Variants in ADCY5 observed in about 807,000 individuals in gnomAD.
ADCY5 encodes adenylate cyclase type 5.
A neutral mutation model predicts 119.7 loss-of-function variants in ADCY5; 30 were observed. The ratio of observed to expected loss-of-function variants is 0.25; its 90% confidence interval spans 0.19 to 0.34. ADCY5 has a LOEUF of 0.34. ADCY5 is among the 10% of genes least tolerant of loss of function. The pLI, the probability that ADCY5 is intolerant of heterozygous loss-of-function variation, is 1.00. For missense variants in ADCY5, 1,324 were observed against 1,775.2 expected (o/e 0.75, Z 4.57); for synonymous variants, 753 against 762.2 (o/e 0.99, Z 0.20).
intron 12 of ADCY5, among the ~76,000 whole-genome samples, chr3:123,308,717 T>C (rs1940361560): frequency 6.6e-6 from 1 of 152,136 alleles, no homozygotes. Context: ...TAGTCCCAGC[T>C]ACTTGGGAGG....
At chr3:123,366,973 A>G (rs1943464019) in intron 1 of ADCY5, among the ~76,000 whole-genome samples, 1 of 152,224 alleles carries the variant, frequency 6.6e-6, no homozygotes, top group Non-Finnish European at 1.5e-5. Context: ...TGCTACTTAG[A>G]AAGACTTTCA....
At chr3:123,381,760 C>G (rs1361245179) in intron 1 of ADCY5, among the ~76,000 whole-genome samples, 1 of 152,226 alleles carries the variant, frequency 6.6e-6, no homozygotes, top group African/African-American at 2.4e-5. Context: ...AGCACTAGAT[C>G]CAGGCTGCAC....
intron 14 of ADCY5, among the ~76,000 whole-genome samples, chr3:123,302,632 C>T (rs181662197): frequency 6.6e-6 from 1 of 152,314 alleles, no homozygotes; most frequent in Admixed American, 6.5e-5. Flanking sequence ...TGGAGCTGGA[C>T]AACTTGAATG....
intron 14 of ADCY5, 57 bp downstream of exon 14, chr3:123,302,998 G>C: frequency 6.3e-7 from 1 of 1,586,502 alleles, no homozygotes; most frequent in Non-Finnish European, 8.6e-7. Context: ...TGCAGTGACA[G>C]TGGGGGAGGG....
At chr3:123,377,452 G>T (rs1943875480) in intron 1 of ADCY5, among the ~76,000 whole-genome samples, 1 of 152,126 alleles carries the variant, frequency 6.6e-6, no homozygotes, top group African/African-American at 2.4e-5. Context: ...CCTCTGAAAA[G>T]CTTCTCTGAC....
Position 123,329,340 on chromosome 3 carries a change from G to A in ADCY5, c.1647-538C>T, listed in dbSNP as rs1941650311. Among the ~76,000 whole-genome samples, 4 of 152,158 alleles carry A rather than the reference G, an allele frequency of 2.6e-5. No homozygotes were observed. The South Asian group carries it at 8.3e-4, about 32-fold the overall frequency. ...ATGGCCTGCTCAGGAGGGAAGGGGA[G>A]CCTGGGCAGGTGCAGGGGCTTAGGG... On this transcript the variant is annotated intron_variant, in intron 5 of 20. Coordinates refer to ENST00000462833, the MANE Select transcript of ADCY5 (RefSeq NM_183357.3).
intron 3 of ADCY5, among the ~76,000 whole-genome samples, chr3:123,336,388 A>T (rs952661867): frequency 1.3e-5 from 2 of 152,260 alleles, no homozygotes; most frequent in African/African-American, 4.8e-5. Context: ...ACATGAGTCA[A>T]GGAGCATGTT....
chr3:123,375,283 G>T (rs188005915), intron 1 of ADCY5, among the ~76,000 whole-genome samples: 1 of 152,240 alleles, frequency 6.6e-6, no homozygotes, highest in Non-Finnish European at 1.5e-5. Context: ...GATATAAACA[G>T]CTCTGCCTCA....
rs1374503576 is a variant in ADCY5 at position 123,319,787 on chromosome 3, C to T, written c.2143G>A (p.Glu715Lys). The T allele has an allele frequency of 6.2e-7, 1 of 1,614,230 alleles. No homozygotes were observed. Among genetic ancestry groups the T allele is most frequent in the Admixed American group, 1.7e-5 (1 of 60,030 alleles). ...GCACGGCCCAGAAACTCATCCACTT[C>T]ATCCTCAGGGTTCGCACTCTCCTGG... is the stretch of plus-strand genomic sequence containing the variant. ...NAQESANPED[E>K]VDEFLGRAID... Residue 715 changes from glutamate to lysine, a missense_variant, in exon 10 of 21, where the codon GAA (glutamate) becomes AAA (lysine). Physicochemically the swap from Glu to Lys is moderately conservative, Grantham distance 56. Coordinates refer to ENST00000462833, the MANE Select transcript of ADCY5 (RefSeq NM_183357.3).
At chr3:123,384,632 T>C (rs6803327) in intron 1 of ADCY5, among the ~76,000 whole-genome samples, 72,567 of 151,892 alleles carry the variant, frequency 0.48, 18,163 homozygotes, top group East Asian at 0.7. Context: ...CCATCTAAAT[T>C]TCACTACGCC....
At chr3:123,367,639 G>A (rs914794398) in intron 1 of ADCY5, among the ~76,000 whole-genome samples, 1 of 152,108 alleles carries the variant, frequency 6.6e-6, no homozygotes, top group African/African-American at 2.4e-5. Flanking sequence ...TGTAGGTGGA[G>A]GGAGGGGGCT....
chr3:123,288,097 G>A (rs1398899597), intron 19 of ADCY5, among the ~76,000 whole-genome samples: 2 of 152,198 alleles, frequency 1.3e-5, no homozygotes, highest in Admixed American at 1.3e-4. Context: ...TGTGCTCGGG[G>A]CCTCCAGCAG....
chr3:123,348,184 C>T (rs889665854), intron 2 of ADCY5, among the ~76,000 whole-genome samples: 6 of 152,056 alleles, frequency 3.9e-5, no homozygotes, highest in African/African-American at 1.4e-4. Context: ...TCCTGGTGAA[C>T]CTGTGAGTAC....
chr3:123,426,295 T>C lies in ADCY5; in HGVS notation c.1134+21117A>G, dbSNP rs528345297. ...TCTTTTTTTTTCTTTTTCTTTTCTT[T>C]TGTGTTTTTTTTTTGTTTGTTTTTG... On this transcript the variant is annotated intron_variant, in intron 1 of 20. Transcript: ENST00000462833. 7.2e-4 allele frequency among the ~76,000 whole-genome samples: 15 copies of C among 20,892 alleles called. No homozygotes were observed. The East Asian group carries it at 0.018, about 24-fold the overall frequency. The allele number at this position is 20,892 out of a possible 152,430, so 13.7% of individuals were successfully genotyped here.
intron 19 of ADCY5, chr3:123,287,144 G>A: frequency 9.4e-6 from 2 of 212,648 alleles, no homozygotes; most frequent in Non-Finnish European, 1.9e-5. Context: ...CAGACTGGCT[G>A]TGTCTCTCTT....
intron 5 of ADCY5, among the ~76,000 whole-genome samples, chr3:123,329,661 G>A (rs763032078): frequency 9.9e-5 from 15 of 152,190 alleles, no homozygotes; most frequent in African/African-American, 3.1e-4. Context: ...GGGCATGGGC[G>A]CACTCAGCTA....
At chr3:123,308,006 GCT>G (rs1441281266) in intron 12 of ADCY5, among the ~76,000 whole-genome samples, 3 of 124,066 alleles carry the variant, frequency 2.4e-5, no homozygotes, top group South Asian at 2.5e-4. Context: ...CTTCCTCCAT[GCT>G]CTTTTTTTTT....
chr3:123,286,727 C>G lies in ADCY5; in HGVS notation c.3615G>C (p.Val1205=). 6.2e-7 allele frequency: 1 copy of G among 1,613,660 alleles called. No homozygotes were observed. Among genetic ancestry groups the G allele is most frequent in the Non-Finnish European group, 8.5e-7 (1 of 1,179,796 alleles). ...CACCGGTGCTGTCCATGCGGCTGGC[C>G]ACGTTCACGGTATTGCCCCAGATGT... ...QYDIWGNTVN[V]ASRMDSTGVP... is the part of the protein sequence containing the mutation. The change falls in exon 20 of 21, where the codon GTG becomes GTC. Residue 1205 remains valine (V), a synonymous_variant. Transcript: ENST00000462833. This position sits in a 1 kb window ranked among gnomAD's most constrained non-coding sequence, Gnocchi z 4.2.
At chr3:123,305,204 T>C (rs1940134931) in intron 12 of ADCY5, among the ~76,000 whole-genome samples, 1 of 152,176 alleles carries the variant, frequency 6.6e-6, no homozygotes, top group African/African-American at 2.4e-5. Context: ...CCCCAGCTTT[T>C]GTGGTGAGTG....
Sources: allele counts gnomAD v4.1 joint callset (sites outside exome capture counted in the v4.1 genomes callset), GRCh38; gene constraint gnomAD v4.1.1; non-coding constraint Gnocchi (gnomAD v3.1); transcripts MANE v1.5; gene names NCBI Gene and HGNC (gene_info 2026-07-23, HGNC 2026-07-21).